The following IQGAP2 variants were observed in gnomAD, a reference collection of about 807,000 sequenced individuals.
IQGAP2 encodes the protein IQ motif containing GTPase activating protein 2, also known as ras GTPase-activating-like protein IQGAP2.
Under a neutral mutation model 201.3 loss-of-function variants are expected in IQGAP2, and 173 were observed. The ratio of observed to expected loss-of-function variants is 0.86; its 90% confidence interval spans 0.76 to 0.98. The LOEUF is 0.98. Among genes scored for constraint, IQGAP2 ranks in the 50% least tolerant of loss-of-function variants. IQGAP2 has a pLI of 0.00. For missense variants in IQGAP2, 1,687 were observed against 1,864.8 expected (o/e 0.90, Z 1.76); for synonymous variants, 675 against 673.9 (o/e 1.00, Z -0.03).
Position 76,507,567 on chromosome 5 carries a change from G to A in IQGAP2, c.146+45898G>A, listed in dbSNP as rs150882834. 8.8e-3 allele frequency among the ~76,000 whole-genome samples: 1,345 copies of A among 152,194 alleles called. 15 individuals are homozygous for A. The highest frequency in any genetic ancestry group is 0.031 in the African/African-American group (1,270 of 41,532). ...ACTTAAATTAAAATTAAAAATTTCC[G>A]TTCTGTGAAAGGCCATGTCAAGAGA... On this transcript the variant is annotated intron_variant, in intron 2 of 35. Coordinates refer to ENST00000274364, the MANE Select transcript of IQGAP2 (RefSeq NM_006633.5).
chr5:76,658,338 C>A, intron 20 of IQGAP2, 121 bp from the exon 21 acceptor site: 1 of 816,806 alleles, frequency 1.2e-6, no homozygotes. Flanking sequence ...ATGATTCTCA[C>A]CCTAGACCAA....
At chr5:76,617,747 A>C (rs1281609539) in intron 13 of IQGAP2, 9 of 1,613,808 alleles carry the variant, frequency 5.6e-6, no homozygotes, top group Non-Finnish European at 7.6e-6. Context: ...GAATAATAAG[A>C]ATAATATTGC....
intron 2 of IQGAP2, among the ~76,000 whole-genome samples, chr5:76,539,413 C>T (rs749498237): frequency 6.6e-6 from 1 of 152,192 alleles, no homozygotes; most frequent in Non-Finnish European, 1.5e-5. Context: ...TGCCAAGTTC[C>T]CCCTACTCCC....
chr5:76,509,633 A>T (rs1270906971), intron 2 of IQGAP2, among the ~76,000 whole-genome samples: 3 of 151,948 alleles, frequency 2.0e-5, no homozygotes, highest in African/African-American at 7.3e-5. Context: ...TGACCTCGTG[A>T]TCCTCCTGCC....
At chr5:76,512,758 A>G (rs1313135549) in intron 2 of IQGAP2, among the ~76,000 whole-genome samples, 1 of 152,230 alleles carries the variant, frequency 6.6e-6, no homozygotes, top group Non-Finnish European at 1.5e-5. Context: ...ATGAGTTTTT[A>G]GAAATGTTAC....
intron 1 of IQGAP2, among the ~76,000 whole-genome samples, chr5:76,436,517 A>ATTT (rs1166580477): frequency 1.4e-4 from 3 of 21,046 alleles, no homozygotes; most frequent in African/African-American, 6.1e-4. Context: ...ATATATATAT[A>ATTT]TTTTTTTTTT....
chr5:76,434,341 C>T (rs990293608), intron 1 of IQGAP2, among the ~76,000 whole-genome samples: 7 of 152,026 alleles, frequency 4.6e-5, no homozygotes, highest in African/African-American at 1.5e-4. Context: ...CCTATTTCCC[C>T]TCCCACCCTC....
At chr5:76,559,901 G>A (rs1744241348) in intron 2 of IQGAP2, among the ~76,000 whole-genome samples, 1 of 152,130 alleles carries the variant, frequency 6.6e-6, no homozygotes. Context: ...TCTTGTCCAG[G>A]GTTGGTGCCC....
chr5:76,674,603 G>A lies in IQGAP2; in HGVS notation c.3421G>A (p.Val1141Met). ...TGACCAAAGGAGAAACTTAGGATCA[G>A]TGGCCAAGGTTCTTCAGCACGCAGC... Reference protein sequence around the residue: ...NSDQRRNLGSVAKVLQHAASN... With the variant: ...NSDQRRNLGSMAKVLQHAASN... Residue 1141 changes from valine to methionine, a missense_variant, in exon 27 of 36, where the codon GTG (valine) becomes ATG (methionine). Physicochemically the swap from Val to Met is conservative, Grantham distance 21. Coordinates refer to ENST00000274364, the MANE Select transcript of IQGAP2 (RefSeq NM_006633.5). The A allele has an allele frequency of 1.2e-6, 2 of 1,614,158 alleles. No individual in the cohort carries two copies. The highest frequency in any genetic ancestry group is 3.3e-4 in the Middle Eastern group (2 of 6,062).
intron 1 of IQGAP2, among the ~76,000 whole-genome samples, chr5:76,426,160 G>A (rs990708749): frequency 4.1e-4 from 63 of 152,306 alleles, no homozygotes; most frequent in African/African-American, 1.5e-3. Context: ...TCAGTTTCAC[G>A]TTAAGGTCTG....
At chr5:76,409,970 A>ATGAT (rs1751020866) in intron 1 of IQGAP2, among the ~76,000 whole-genome samples, 1 of 152,196 alleles carries the variant, frequency 6.6e-6, no homozygotes, top group African/African-American at 2.4e-5. Context: ...GTGTGTGGAA[A>ATGAT]TGATATATCT....
chr5:76,440,677 A>G (rs976904942), intron 1 of IQGAP2, among the ~76,000 whole-genome samples: 1 of 152,160 alleles, frequency 6.6e-6, no homozygotes, highest in African/African-American at 2.4e-5. Context: ...AGTGATTGAG[A>G]GCATACAGCC....
chr5:76,665,716 A>T (rs1034641073), intron 22 of IQGAP2, among the ~76,000 whole-genome samples: 1 of 152,220 alleles, frequency 6.6e-6, no homozygotes, highest in African/African-American at 2.4e-5. Flanking sequence ...GATCTAAATG[A>T]ATAGTAATTT....
At chr5:76,435,495 C>T (rs980266459) in intron 1 of IQGAP2, among the ~76,000 whole-genome samples, 1 of 151,930 alleles carries the variant, frequency 6.6e-6, no homozygotes, top group African/African-American at 2.4e-5. Context: ...TCAAAGATCA[C>T]TTGGTTGAAT....
intron 17 of IQGAP2, among the ~76,000 whole-genome samples, chr5:76,644,172 A>C (rs1286448745): frequency 1.3e-5 from 2 of 152,238 alleles, no homozygotes; most frequent in Non-Finnish European, 2.9e-5. Flanking sequence ...TCTTTTATAC[A>C]GATACTCTGC....
intron 2 of IQGAP2, among the ~76,000 whole-genome samples, chr5:76,518,080 C>T (rs1758447474): frequency 6.6e-6 from 1 of 152,136 alleles, no homozygotes; most frequent in Non-Finnish European, 1.5e-5. Context: ...TCTCAGCCTC[C>T]CAAGTAGTTG....
chr5:76,632,561 A>G (rs1393690448), intron 15 of IQGAP2, among the ~76,000 whole-genome samples: 1 of 152,186 alleles, frequency 6.6e-6, no homozygotes, highest in Non-Finnish European at 1.5e-5. Context: ...CATTTTTCAG[A>G]TTTGGAAGTT....
intron 3 of IQGAP2, among the ~76,000 whole-genome samples, chr5:76,567,118 G>A (rs1413912723): frequency 6.6e-6 from 1 of 152,210 alleles, no homozygotes; most frequent in East Asian, 1.9e-4. Flanking sequence ...GCACACAGTG[G>A]TTAGCAGTGT....
At chr5:76,522,091 T>C (rs986527090) in intron 2 of IQGAP2, among the ~76,000 whole-genome samples, 2 of 152,184 alleles carry the variant, frequency 1.3e-5, no homozygotes, top group African/African-American at 2.4e-5. Flanking sequence ...AGGAGCCCTG[T>C]CCATAGCTGA....
Sources: allele counts gnomAD v4.1 joint callset (sites outside exome capture counted in the v4.1 genomes callset), GRCh38; gene constraint gnomAD v4.1.1; transcripts MANE v1.5; gene names NCBI Gene and HGNC (gene_info 2026-07-23, HGNC 2026-07-21).